The following CREM variants were observed in gnomAD, a reference collection of about 807,000 sequenced individuals.
CREM encodes cAMP responsive element modulator, also known as cAMP-responsive element modulator.
In CREM, 13 loss-of-function variants were observed where a neutral mutation model predicts 37.3. The observed-to-expected ratio is 0.35, with a 90% CI of 0.23 to 0.55. CREM has a LOEUF of 0.55. CREM is among the 20% of genes least tolerant of loss of function. The pLI, the probability that CREM is intolerant of heterozygous loss-of-function variation, is 0.88. For missense variants in CREM, 296 were observed against 362.3 expected (o/e 0.82, Z 1.49); for synonymous variants, 124 against 120.2 (o/e 1.03, Z -0.21).
chr10:35,200,107 C>T (rs1179667620), intron 6 of CREM, among the ~76,000 whole-genome samples: 1 of 151,934 alleles, frequency 6.6e-6, no homozygotes, highest in Non-Finnish European at 1.5e-5. Context: ...AGGCTGGTCT[C>T]GAACTCCTGA....
chr10:35,140,907 A>G (rs1756814056), intron 2 of CREM, among the ~76,000 whole-genome samples: 1 of 152,200 alleles, frequency 6.6e-6, no homozygotes, highest in African/African-American at 2.4e-5. Context: ...CGTGTTGGAA[A>G]GAGTAGAGGG....
At chr10:35,129,838 A>C (rs2088956676) in intron 1 of CREM, among the ~76,000 whole-genome samples, 1 of 152,224 alleles carries the variant, frequency 6.6e-6, no homozygotes, top group Non-Finnish European at 1.5e-5. Flanking sequence ...TGTAAAAGTC[A>C]GCTTTGAAAA....
intron 6 of CREM, among the ~76,000 whole-genome samples, chr10:35,193,023 C>T (rs888994516): frequency 3.9e-5 from 6 of 152,166 alleles, no homozygotes; most frequent in Non-Finnish European, 8.8e-5. Context: ...ATACCGATTG[C>T]CTGATAAGAA....
At chr10:35,158,531 C>A in intron 3 of CREM, 1 of 180,736 alleles carries the variant, frequency 5.5e-6, no homozygotes, top group Non-Finnish European at 1.2e-5. Flanking sequence ...AAGATGATCA[C>A]CCTCCAGACC....
intron 6 of CREM, among the ~76,000 whole-genome samples, chr10:35,193,512 T>C (rs1564943580): frequency 6.6e-6 from 1 of 152,146 alleles, no homozygotes; most frequent in Non-Finnish European, 1.5e-5. Flanking sequence ...AACCCTCAGG[T>C]GTGACTGGGA....
At chr10:35,195,972 C>G in intron 6 of CREM, 1 of 1,422,266 alleles carries the variant, frequency 7.0e-7, no homozygotes, top group East Asian at 2.3e-5. Context: ...GCCTTTTAGA[C>G]TGAATAGCTT....
intron 2 of CREM, among the ~76,000 whole-genome samples, chr10:35,144,187 T>C (rs2091798404): frequency 6.6e-6 from 1 of 152,158 alleles, no homozygotes; most frequent in East Asian, 1.9e-4. Flanking sequence ...CAGTGCCCAG[T>C]GCTAAATTAT....
At chr10:35,185,572 T>C (rs536118468) in intron 5 of CREM, among the ~76,000 whole-genome samples, 1 of 152,320 alleles carries the variant, frequency 6.6e-6, no homozygotes, top group African/African-American at 2.4e-5. Flanking sequence ...GAAAGCAGTG[T>C]CTTTTGACAT....
chr10:35,210,002 C>T (rs1469049961), intron 7 of CREM, among the ~76,000 whole-genome samples: 2 of 151,356 alleles, frequency 1.3e-5, no homozygotes, highest in Non-Finnish European at 2.9e-5. Context: ...GAAGGTTCTT[C>T]TTTGCTGACT....
chr10:35,143,167 C>T (rs1330665464), intron 2 of CREM, among the ~76,000 whole-genome samples: 1 of 152,086 alleles, frequency 6.6e-6, no homozygotes, highest in African/African-American at 2.4e-5. Context: ...GACGGGGTTT[C>T]ACCATGTTGG....
chr10:35,157,491 C>T (rs1320475946), intron 3 of CREM, among the ~76,000 whole-genome samples: 1 of 151,824 alleles, frequency 6.6e-6, no homozygotes, highest in East Asian at 1.9e-4. Flanking sequence ...AAATATTAGC[C>T]GGGCATGGTG....
chr10:35,156,746 T>C (rs2092941835), intron 3 of CREM, among the ~76,000 whole-genome samples: 1 of 152,210 alleles, frequency 6.6e-6, no homozygotes, highest in Non-Finnish European at 1.5e-5. Flanking sequence ...GTAGTGGTTT[T>C]CTTAAAAGGT....
Position 35,172,470 on chromosome 10 carries a change from CAG to C in CREM, c.169-6418_169-6417del, listed in dbSNP as rs149938961. Among the ~76,000 whole-genome samples the C allele has an allele frequency of 6.0e-3, 920 of 152,106 alleles. 11 individuals are homozygous for C. Among genetic ancestry groups the C allele is most frequent in the African/African-American group, 0.021 (862 of 41,504 alleles). On this transcript the variant is annotated intron_variant, in intron 3 of 7. Coordinates refer to ENST00000685392, the MANE Select transcript of CREM (RefSeq NM_183011.2). ...GATATCCACACTGATGGTGCAAAAA[CAG>C]TGGTGGTGGGGGAGTGGTAAATTGT...
chr10:35,176,931 T>C (rs977855205), intron 3 of CREM, among the ~76,000 whole-genome samples: 1 of 152,196 alleles, frequency 6.6e-6, no homozygotes, highest in Non-Finnish European at 1.5e-5. Flanking sequence ...TTTCTTGAAG[T>C]TAAAACATTT....
At chr10:35,203,734 G>GT (rs972849815) in intron 6 of CREM, among the ~76,000 whole-genome samples, 13 of 148,516 alleles carry the variant, frequency 8.8e-5, no homozygotes, top group Non-Finnish European at 1.5e-4. Flanking sequence ...TTTGTTTTTT[G>GT]TTTTTTTTTA....
At chr10:35,170,497 C>T (rs1319389772) in intron 3 of CREM, among the ~76,000 whole-genome samples, 1 of 152,254 alleles carries the variant, frequency 6.6e-6, no homozygotes, top group Middle Eastern at 3.4e-3. Context: ...CCTTGTACTT[C>T]TGGTAGAATT....
chr10:35,179,118 T>C lies in CREM; in HGVS notation c.267-16T>C. ...TCATGTATCTTAGTGACTTACCTTG[T>C]TAAATTGTATTTTAGGAAAATACTG... On this transcript the variant is annotated splice_polypyrimidine_tract_variant and intron_variant, in intron 4 of 7. Coordinates refer to ENST00000685392, the MANE Select transcript of CREM (RefSeq NM_183011.2). 6.2e-7 allele frequency: 1 copy of C among 1,602,240 alleles called. No homozygotes were observed. Among genetic ancestry groups the C allele is most frequent in the Non-Finnish European group, 8.5e-7 (1 of 1,173,134 alleles).
chr10:35,127,227 A>C (rs994663366), intron 1 of CREM, 34 bp downstream of exon 1: 2 of 153,302 alleles, frequency 1.3e-5, no homozygotes, highest in Non-Finnish European at 2.9e-5. Flanking sequence ...CCCGAGACCC[A>C]GCAGCGGGCG....
chr10:35,206,522 A>G (rs1368613942), intron 6 of CREM, among the ~76,000 whole-genome samples: 1 of 152,176 alleles, frequency 6.6e-6, no homozygotes, highest in Admixed American at 6.5e-5. Flanking sequence ...CATCGTGAGA[A>G]TTACTGAACA....
Sources: allele counts gnomAD v4.1 joint callset (sites outside exome capture counted in the v4.1 genomes callset), GRCh38; gene constraint gnomAD v4.1.1; transcripts MANE v1.5; gene names NCBI Gene and HGNC (gene_info 2026-07-23, HGNC 2026-07-21).